RNF169: variants seen among roughly 807,000 people sequenced by gnomAD.
RNF169 encodes the protein ring finger protein 169.
In RNF169, 24 loss-of-function variants were observed where a neutral mutation model predicts 53.9. The ratio of observed to expected loss-of-function variants is 0.45; its 90% CI spans 0.32 to 0.63. RNF169 has a LOEUF of 0.63. RNF169 is among the 20% of genes least tolerant of loss of function. RNF169 has a pLI of 0.04. For missense variants in RNF169, 883 were observed against 906.2 expected (o/e 0.97, Z 0.33); for synonymous variants, 396 against 363.5 (o/e 1.09, Z -1.02).
intron 1 of RNF169, among the ~76,000 whole-genome samples, chr11:74,771,054 C>T (rs1055388024): frequency 1.3e-4 from 20 of 152,170 alleles, no homozygotes; most frequent in Middle Eastern, 3.4e-3. Context: ...TGATCCCCCC[C>T]GCCTCGACCT....
chr11:74,817,747 C>T, intron 4 of RNF169, 33 bp downstream of exon 4: 1 of 1,385,366 alleles, frequency 7.2e-7, no homozygotes, highest in Non-Finnish European at 1.0e-6. Context: ...AGTCAGGGGT[C>T]TTTGGTTTTG....
At position 74,836,270 on chromosome 11, in the gene RNF169, A is replaced by G; in HGVS notation, c.1667A>G (p.Asp556Gly). Residue 556 changes from aspartate to glycine, a missense_variant, in exon 6 of 6, where the codon GAT becomes GGT. By Grantham distance (94) the Asp-to-Gly change is moderately conservative. Transcript: ENST00000299563. ...TTTGAGGGGTTAGGGTCAACTCCAG[A>G]TGCCAAGTTAGACAAAACCTGTATA... ...EQFEGLGSTP[D>G]AKLDKTCISR... 1 of 1,614,216 alleles carries G rather than the reference A, an allele frequency of 6.2e-7. No homozygotes were observed.
At chr11:74,762,148 G>T (rs936164734) in intron 1 of RNF169, among the ~76,000 whole-genome samples, 52 of 150,248 alleles carry the variant, frequency 3.5e-4, no homozygotes, top group Admixed American at 2.8e-3. Flanking sequence ...TTGGTTTTCA[G>T]CTCCATCAGC....
At chr11:74,778,359 A>G (rs2035366831) in intron 1 of RNF169, among the ~76,000 whole-genome samples, 1 of 152,198 alleles carries the variant, frequency 6.6e-6, no homozygotes, top group Non-Finnish European at 1.5e-5. Context: ...TTGATATGTT[A>G]TCACGAATTT....
chr11:74,770,815 G>GT lies in RNF169; in HGVS notation c.503-18803dup, dbSNP rs912192876. ...GCATTTTTCGTTTTGTTTTGTTTTT[G>GT]TTTTTTTTGAGATGGAGTCTTGCTC... On this transcript the variant is annotated intron_variant, in intron 1 of 5. Transcript: ENST00000299563. 6.4e-4 allele frequency among the ~76,000 whole-genome samples: 97 copies of GT among 151,676 alleles called. 2 individuals carry two copies. Among genetic ancestry groups the GT allele is most frequent in the African/African-American group, 2.0e-3 (84 of 41,364 alleles).
At chr11:74,829,196 C>T (rs1433239136) in intron 4 of RNF169, among the ~76,000 whole-genome samples, 1 of 152,152 alleles carries the variant, frequency 6.6e-6, no homozygotes, top group Non-Finnish European at 1.5e-5. Context: ...TGAATAGACA[C>T]TTCTCAAAAG....
intron 1 of RNF169, among the ~76,000 whole-genome samples, chr11:74,765,400 C>T (rs1243545945): frequency 4.6e-5 from 7 of 152,198 alleles, no homozygotes; most frequent in African/African-American, 1.7e-4. Context: ...GATATCTTAT[C>T]TGACCGTAGT....
intron 2 of RNF169, among the ~76,000 whole-genome samples, chr11:74,794,241 T>C (rs1013307953): frequency 6.6e-6 from 1 of 152,202 alleles, no homozygotes; most frequent in Non-Finnish European, 1.5e-5. Context: ...ACTTTGAGAG[T>C]AAGCAATATG....
intron 4 of RNF169, chr11:74,832,583 C>T (rs2135150482): frequency 6.6e-6 from 1 of 152,296 alleles, no homozygotes; most frequent in South Asian, 2.1e-4. Flanking sequence ...TTGAATACCT[C>T]TAACGGCCTG....
At chr11:74,804,417 A>G (rs1047805367) in intron 2 of RNF169, among the ~76,000 whole-genome samples, 1 of 152,248 alleles carries the variant, frequency 6.6e-6, no homozygotes, top group African/African-American at 2.4e-5. Flanking sequence ...ATGCAGTACG[A>G]AAGTGCTTGG....
intron 2 of RNF169, among the ~76,000 whole-genome samples, chr11:74,801,927 A>G (rs2035737111): frequency 6.6e-6 from 1 of 152,236 alleles, no homozygotes; most frequent in South Asian, 2.1e-4. Flanking sequence ...CCGTTGGCCC[A>G]GAGATAACCA....
At chr11:74,785,414 A>G (rs909409320) in intron 1 of RNF169, among the ~76,000 whole-genome samples, 7 of 150,018 alleles carry the variant, frequency 4.7e-5, no homozygotes, top group Non-Finnish European at 8.9e-5. Flanking sequence ...ATCTGAACCT[A>G]ATGTTACGTT....
chr11:74,802,247 G>C (rs910863690), intron 2 of RNF169, among the ~76,000 whole-genome samples: 2 of 152,176 alleles, frequency 1.3e-5, no homozygotes, highest in Non-Finnish European at 2.9e-5. Flanking sequence ...ACCTTTTACA[G>C]TGGAATTGAG....
In RNF169 at chr11:74,794,218, G is replaced by A. The variant is rs2035616471; in HGVS notation, c.576+4519G>A. On this transcript the variant is annotated intron_variant, in intron 2 of 5. Transcript: ENST00000299563. ...TCTCCTGGGACAACAATGGCAATAA[G>A]ACTAGTTAGGACACTTTGAGAGTAA... Among the ~76,000 whole-genome samples the A allele has an allele frequency of 2.6e-5, 4 of 152,208 alleles. No individual in the cohort carries two copies. The South Asian group carries it at 8.3e-4, about 31-fold the overall frequency.
chr11:74,790,605 A>AG (rs2035565625), intron 2 of RNF169, among the ~76,000 whole-genome samples: 1 of 152,156 alleles, frequency 6.6e-6, no homozygotes, highest in East Asian at 1.9e-4. Context: ...TGGATCTCAC[A>AG]CCTGCTAAAG....
At chr11:74,754,438 T>C (rs1338144977) in intron 1 of RNF169, among the ~76,000 whole-genome samples, 1 of 152,222 alleles carries the variant, frequency 6.6e-6, no homozygotes, top group East Asian at 1.9e-4. Context: ...GGGTAATGAC[T>C]GAAGAAAAGC....
intron 1 of RNF169, among the ~76,000 whole-genome samples, chr11:74,757,575 T>C (rs1169390621): frequency 1.1e-5 from 1 of 94,330 alleles, no homozygotes; most frequent in Admixed American, 1.3e-4. Flanking sequence ...ATCGCCACAC[T>C]GACTTCCACA....
intron 1 of RNF169, among the ~76,000 whole-genome samples, chr11:74,754,174 C>A (rs1024360243): frequency 6.6e-6 from 1 of 152,178 alleles, no homozygotes; most frequent in Non-Finnish European, 1.5e-5. Context: ...CTCTCTCTCT[C>A]ATGGAGCTTA....
intron 4 of RNF169, among the ~76,000 whole-genome samples, chr11:74,830,406 A>G (rs1045903646): frequency 3.3e-5 from 5 of 152,176 alleles, no homozygotes; most frequent in African/African-American, 1.2e-4. Context: ...TAATGCCAAC[A>G]GATTAGATAA....
Sources: allele counts gnomAD v4.1 joint callset (sites outside exome capture counted in the v4.1 genomes callset), GRCh38; gene constraint gnomAD v4.1.1; transcripts MANE v1.5; gene names NCBI Gene and HGNC (gene_info 2026-07-23, HGNC 2026-07-21).